Variants in GALNS observed in about 807,000 individuals in gnomAD.
GALNS encodes N-acetylgalactosamine-6-sulfatase.
In GALNS, 65 loss-of-function variants were observed where a neutral mutation model predicts 65.9. The observed-to-expected ratio is 0.99, with a 90% CI of 0.81 to 1.21. GALNS has a LOEUF of 1.21. Ranked by LOEUF, GALNS falls within the 50% of genes most tolerant of loss-of-function variation. The pLI is 0.00. For missense variants in GALNS, 776 were observed against 700.7 expected (o/e 1.11, Z -1.21); for synonymous variants, 346 against 288.9 (o/e 1.20, Z -2.00).
chr16:88,836,503 A>C (rs1036894240), intron 5 of GALNS, among the ~76,000 whole-genome samples: 1 of 152,074 alleles, frequency 6.6e-6, no homozygotes, highest in Admixed American at 6.6e-5. Flanking sequence ...AAAATACAAA[A>C]ATTAGCTGGG....
chr16:88,837,504 AG>A (rs2143002230), intron 5 of GALNS, 117 bp downstream of exon 5: 1 of 1,076,156 alleles, frequency 9.3e-7, no homozygotes, highest in South Asian at 1.3e-5. Flanking sequence ...CCGGGGACCC[AG>A]GGACAGACCA....
intron 10 of GALNS, among the ~76,000 whole-genome samples, 155 bp from the exon 11 acceptor site, chr16:88,825,024 A>G (rs1215495091): frequency 1.5e-5 from 2 of 133,994 alleles, no homozygotes; most frequent in Non-Finnish European, 3.2e-5. Context: ...AAAGGCCCGC[A>G]AGGTGGCTGG....
intron 4 of GALNS, among the ~76,000 whole-genome samples, chr16:88,839,892 C>T (rs1434350271): frequency 6.6e-6 from 1 of 152,248 alleles, no homozygotes; most frequent in East Asian, 1.9e-4. Flanking sequence ...GCTGCCAGGC[C>T]AGGCGGAGAG....
chr16:88,855,599 T>C (rs1967787668), intron 1 of GALNS: 6 of 650,450 alleles, frequency 9.2e-6, no homozygotes, highest in Admixed American at 2.6e-5. Context: ...GTGGGGAAAT[T>C]ATGGGTGGTG....
chr16:88,837,890 G>A (rs1912310597), intron 4 of GALNS, 125 bp from the exon 5 acceptor site: 1 of 974,414 alleles, frequency 1.0e-6, no homozygotes, highest in Non-Finnish European at 1.6e-6. Flanking sequence ...ACTGAGTATG[G>A]GCTATGCCTG....
chr16:88,840,432 C>T (rs942617003), intron 4 of GALNS: 2 of 176,184 alleles, frequency 1.1e-5, no homozygotes, highest in African/African-American at 4.8e-5. Context: ...CTCACTCAGG[C>T]GTCCCAGGGA....
intron 1 of GALNS, chr16:88,855,052 A>C (rs910982511): frequency 7.8e-6 from 3 of 385,172 alleles, no homozygotes; most frequent in South Asian, 6.0e-5. Context: ...TTGCTGTCCT[A>C]TGGAAACGTA....
At chr16:88,815,833 C>T in intron 13 of GALNS, 1 of 984,922 alleles carries the variant, frequency 1.0e-6, no homozygotes, top group Non-Finnish European at 1.2e-6. Context: ...GCAGCAGAGG[C>T]AGCCGCAGGG....
chr16:88,819,370 T>C (rs1909968044), intron 12 of GALNS, among the ~76,000 whole-genome samples: 1 of 152,220 alleles, frequency 6.6e-6, no homozygotes, highest in Non-Finnish European at 1.5e-5. Context: ...ACAGCGCCCC[T>C]GAGCACAGGG....
intron 1 of GALNS, among the ~76,000 whole-genome samples, chr16:88,849,299 T>G (rs1229100619): frequency 1.3e-5 from 2 of 152,032 alleles, no homozygotes; most frequent in Non-Finnish European, 2.9e-5. Flanking sequence ...TATCATTATT[T>G]TTTGAGATGG....
At chr16:88,856,251 G>A (rs1171969565) in intron 1 of GALNS, 2 of 702,948 alleles carry the variant, frequency 2.8e-6, no homozygotes, top group African/African-American at 3.5e-5. Flanking sequence ...CGTCAGGTAA[G>A]ACTGGAGCCC....
chr16:88,849,315 C>G (rs774570408), intron 1 of GALNS, among the ~76,000 whole-genome samples: 11 of 152,084 alleles, frequency 7.2e-5, no homozygotes, highest in Non-Finnish European at 1.3e-4. Flanking sequence ...GATGGAGTCT[C>G]ACTCTGTCAC....
chr16:88,817,018 T>G (rs1909700137), intron 13 of GALNS: 1 of 985,354 alleles, frequency 1.0e-6, no homozygotes, highest in Non-Finnish European at 1.2e-6. Context: ...GACCTGTGTG[T>G]GGCTCGTTTT....
intron 5 of GALNS, 26 bp downstream of exon 5, chr16:88,837,596 G>C (rs1419906253): frequency 1.2e-6 from 2 of 1,610,684 alleles, no homozygotes; most frequent in Admixed American, 3.3e-5. Context: ...CAGGACGTGG[G>C]AGGGGAAGGG....
chr16:88,844,905 C>A (rs1469505493), intron 1 of GALNS: 1 of 152,274 alleles, frequency 6.6e-6, no homozygotes, highest in African/African-American at 2.4e-5. Context: ...AGCCAGCATG[C>A]GAGCAGATGT....
chr16:88,853,041 A>G (rs961584912), intron 1 of GALNS, among the ~76,000 whole-genome samples: 2 of 152,100 alleles, frequency 1.3e-5, no homozygotes, highest in Non-Finnish European at 2.9e-5. Context: ...ACCTGAGGTC[A>G]GGAGTTTCAG....
rs1322856128 is a variant in GALNS at position 88,826,737 on chromosome 16, G to T, written c.1104C>A (p.Leu368=). The T allele has an allele frequency of 3.1e-6, 5 of 1,612,400 alleles. No individual in the cohort carries two copies. The highest frequency in any genetic ancestry group is 4.2e-6 in the Non-Finnish European group (5 of 1,179,764). The part of the protein sequence containing the change: ...PSDRAIDGLN[L]LPTLLQGRLM... ...GCCGGCCCTGCAGGAGGGTGGGGAG[G>T]AGGTTGAGGCCATCAATGGCCCTGT... The change falls in exon 10 of 14, where the codon CTC becomes CTA. Residue 368 remains leucine, a synonymous_variant. Transcript: ENST00000268695.
rs950488623 is a variant in GALNS, at chr16:88,841,437, G to A, written c.320-343C>T. On this transcript the variant is annotated intron_variant, in intron 3 of 13. Transcript: ENST00000268695. ...TCCAGGGGTCTCTGGAATATGCCACGTGATGCTGCACTGCCCCACCCCTGC... is the reference window on the plus strand; with the variant it reads ...TCCAGGGGTCTCTGGAATATGCCACATGATGCTGCACTGCCCCACCCCTGC... Among the ~76,000 whole-genome samples, 5 of 152,226 alleles carry A rather than the reference G, an allele frequency of 3.3e-5. No homozygotes were observed. In the East Asian group the frequency reaches 9.6e-4, roughly 29 times the overall value.
intron 13 of GALNS, chr16:88,816,811 G>C: frequency 1.0e-6 from 1 of 985,452 alleles, no homozygotes; most frequent in Non-Finnish European, 1.2e-6. Flanking sequence ...CTTTTCGCCC[G>C]CACAGCAGGA....
Sources: allele counts gnomAD v4.1 joint callset (sites outside exome capture counted in the v4.1 genomes callset), GRCh38; gene constraint gnomAD v4.1.1; transcripts MANE v1.5; gene names NCBI Gene and HGNC (gene_info 2026-07-23, HGNC 2026-07-21).